TMEM171: variants seen among roughly 807,000 people sequenced by gnomAD.
TMEM171 encodes transmembrane protein 171.
TMEM171 carries 16 observed loss-of-function variants against 19.1 expected under a neutral mutation model. That is an observed-to-expected ratio of 0.84 (90% CI 0.57 to 1.27). The LOEUF is 1.27. TMEM171 is among the 50% of genes most tolerant of loss of function. The pLI is 0.00. For missense variants in TMEM171, 429 were observed against 412.7 expected, an observed-to-expected ratio of 1.04 and a Z score of -0.34; for synonymous variants, 153 against 163.4, an observed-to-expected ratio of 0.94 and a Z score of 0.48.
intron 3 of TMEM171, among the ~76,000 whole-genome samples, chr5:73,129,919 G>C (rs1376463069): frequency 6.6e-6 from 1 of 152,224 alleles, no homozygotes; most frequent in East Asian, 1.9e-4. Context: ...ACCCCACACA[G>C]AATGCAGCGA....
intron 3 of TMEM171, among the ~76,000 whole-genome samples, 184 bp downstream of exon 3, chr5:73,128,715 A>G (rs1157153669): frequency 6.6e-6 from 1 of 151,556 alleles, no homozygotes; most frequent in African/African-American, 2.4e-5. Context: ...GTTAAAAATG[A>G]TAAAGTGATC....
intron 2 of TMEM171, among the ~76,000 whole-genome samples, chr5:73,127,384 A>AAAAAAAAAAAAT: frequency 1.2e-5 from 1 of 81,684 alleles, no homozygotes. Flanking sequence ...AAAAAAAAAA[A>AAAAAAAAAAAAT]ATATATATAT....
rs1744056629 is a variant in TMEM171, at chr5:73,123,405, G to A, written c.32G>A (p.Gly11Glu). Residue 11 changes from glycine (G) to glutamate (E), a missense_variant, in exon 2 of 4, where the codon GGG becomes GAG. Gly to Glu is a moderately conservative substitution (Grantham distance 98). Transcript: ENST00000454765. ...CCTGCAGCTGCTGCTGAGCCAGATG[G>A]GGACCAGCAGGACAGACACGTCAGC... MSPAAAAEPDGDQQDRHVSKL... is the reference protein window; with the variant it reads MSPAAAAEPDEDQQDRHVSKL... 1 of 1,613,852 alleles carries A rather than the reference G, an allele frequency of 6.2e-7. No individual in the cohort carries two copies. The highest frequency in any genetic ancestry group is 8.5e-7 in the Non-Finnish European group (1 of 1,179,768).
chr5:73,129,620 G>T (rs1744278702), intron 3 of TMEM171, among the ~76,000 whole-genome samples: 1 of 152,126 alleles, frequency 6.6e-6, no homozygotes, highest in South Asian at 2.1e-4. Context: ...GCAACAGAGA[G>T]AGACTCTATC....
intron 1 of TMEM171, among the ~76,000 whole-genome samples, chr5:73,121,897 T>C (rs552758781): frequency 6.6e-6 from 1 of 152,312 alleles, no homozygotes; most frequent in South Asian, 2.1e-4. Flanking sequence ...CAGGTGAAAA[T>C]AGTCTTCACG....
At chr5:73,131,410 A>C in intron 3 of TMEM171, 128 bp from the exon 4 acceptor site, 1 of 627,776 alleles carries the variant, frequency 1.6e-6, no homozygotes, top group Non-Finnish European at 2.5e-6. Context: ...AGTGAGGGAG[A>C]AATTACTCCT....
At chr5:73,128,163 C>T (rs538215460) in intron 2 of TMEM171, among the ~76,000 whole-genome samples, 3 of 152,286 alleles carry the variant, frequency 2.0e-5, no homozygotes, top group Admixed American at 1.3e-4. Flanking sequence ...ACTCACCAAA[C>T]AGCAATTCCC....
chr5:73,128,583 G>T, intron 3 of TMEM171, 52 bp downstream of exon 3: 1 of 1,590,432 alleles, frequency 6.3e-7, no homozygotes, highest in Non-Finnish European at 8.6e-7. Flanking sequence ...GGCCACACTA[G>T]TATTAAGGCT....
chr5:73,123,277 G>T, intron 1 of TMEM171, 29 bp from the exon 2 acceptor site: 1 of 1,513,954 alleles, frequency 6.6e-7, no homozygotes, highest in South Asian at 1.3e-5. Flanking sequence ...CTGTGCCCAC[G>T]TTAATTTGGT....
Position 73,128,387 on chromosome 5 carries a change from T to C in TMEM171, c.641-3T>C. The C allele has an allele frequency of 6.2e-7, 1 of 1,614,084 alleles. No homozygotes were observed. Among genetic ancestry groups the C allele is most frequent in the African/African-American group, 1.3e-5 (1 of 75,054 alleles). On this transcript the variant is annotated splice_polypyrimidine_tract_variant and splice_region_variant and intron_variant, in intron 2 of 3. Coordinates refer to ENST00000454765, the MANE Select transcript of TMEM171 (RefSeq NM_173490.8). ...TTGTCAACTAAATATTGTTTTGCCT[T>C]AGGTGACTCGGTAATAATATTTCCA...
intron 3 of TMEM171, among the ~76,000 whole-genome samples, chr5:73,131,124 C>T (rs143342013): frequency 7.3e-4 from 111 of 152,230 alleles, no homozygotes; most frequent in African/African-American, 2.5e-3. Flanking sequence ...GCCTTCCTGC[C>T]GTCCTTCAGG....
In TMEM171 at chr5:73,123,907, C is replaced by T. The variant is rs904428726; in HGVS notation, c.534C>T (p.Phe178=). 3.7e-6 allele frequency: 6 copies of T among 1,613,854 alleles called. No homozygotes were observed. Among genetic ancestry groups the T allele is most frequent in the Non-Finnish European group, 4.2e-6 (5 of 1,179,978 alleles). The part of the protein sequence containing the change: ...PLIVLVGLCF[F]VVAHVKKRNT... The stretch of plus-strand genomic sequence containing the variant: ...TTGTGCTTGTGGGATTGTGTTTCTT[C>T]GTGGTTGCCCATGTTAAGAAGAGAA... The change falls in exon 2 of 4, where the codon TTC becomes TTT. Residue 178 remains phenylalanine, a synonymous_variant. Coordinates refer to ENST00000454765, the MANE Select transcript of TMEM171 (RefSeq NM_173490.8).
At chr5:73,122,335 T>G (rs1386640501) in intron 1 of TMEM171, among the ~76,000 whole-genome samples, 1 of 152,204 alleles carries the variant, frequency 6.6e-6, no homozygotes, top group East Asian at 1.9e-4. Flanking sequence ...TGCAACACTT[T>G]CCAGGGTCAT....
At chr5:73,130,348 A>G (rs1486567363) in intron 3 of TMEM171, among the ~76,000 whole-genome samples, 5 of 152,074 alleles carry the variant, frequency 3.3e-5, no homozygotes, top group Admixed American at 3.3e-4. Context: ...CTAGAATGGG[A>G]AACCAGGGTT....
rs986382395 is a variant in TMEM171, at chr5:73,120,710, G to C, written c.-69+14G>C. 25 of 983,702 alleles carry C rather than the reference G, an allele frequency of 2.5e-5. No individual in the cohort carries two copies. In the East Asian group the frequency reaches 2.5e-3, roughly 99 times the overall value. 60.9% of individuals were successfully genotyped at this position (983,702 alleles called of 1,614,324 possible). A position where few individuals can be genotyped will look rare whatever the true frequency, so the allele number is the denominator to read the frequency against. Reference sequence around the variant, plus strand: ...ACCCAGCTTCAGGTAAGCTGCCCCGGCCCGCGCGCCTGCGCCGGCGGCGGC... The same window carrying C: ...ACCCAGCTTCAGGTAAGCTGCCCCGCCCCGCGCGCCTGCGCCGGCGGCGGC... On this transcript the variant is annotated intron_variant, in intron 1 of 3. Transcript: ENST00000454765.
intron 3 of TMEM171, among the ~76,000 whole-genome samples, chr5:73,129,918 A>G (rs1744287861): frequency 6.6e-6 from 1 of 152,206 alleles, no homozygotes; most frequent in East Asian, 1.9e-4. Context: ...CACCCCACAC[A>G]GAATGCAGCG....
chr5:73,131,489 G>T, intron 3 of TMEM171, 49 bp from the exon 4 acceptor site: 1 of 1,456,738 alleles, frequency 6.9e-7, no homozygotes, highest in South Asian at 1.4e-5. Flanking sequence ...CTAAAGGGGT[G>T]TCACTGTTTT....
At chr5:73,126,288 A>T (rs1232351864) in intron 2 of TMEM171, among the ~76,000 whole-genome samples, 6 of 152,216 alleles carry the variant, frequency 3.9e-5, no homozygotes, top group African/African-American at 1.4e-4. Flanking sequence ...AGACCTTCTA[A>T]AAAAGTAAAT....
chr5:73,120,781 C>T (rs1580231362), intron 1 of TMEM171, 85 bp downstream of exon 1: 1 of 979,158 alleles, frequency 1.0e-6, no homozygotes, highest in East Asian at 1.1e-4. Flanking sequence ...CGGGGAGCCG[C>T]GGCAGCGCGG....
Sources: gnomAD v4.1 joint callset for allele counts (sites outside exome capture counted in the v4.1 genomes callset) on GRCh38, gnomAD v4.1.1 for gene constraint, MANE v1.5 for transcripts, NCBI Gene and HGNC (gene_info 2026-07-23, HGNC 2026-07-21) for gene names.